Variants in CUX1 observed in about 807,000 individuals in gnomAD.
The protein encoded by CUX1 is cut like homeobox 1.
Under a neutral mutation model 158.8 loss-of-function variants are expected in CUX1, and 31 were observed. That is an observed-to-expected ratio of 0.20 (90% confidence interval 0.15 to 0.26). The LOEUF is 0.26. Ranked by LOEUF, CUX1 falls within the 10% of genes least tolerant of loss-of-function variation. The probability of loss-of-function intolerance (pLI) is 1.00; values close to 1 mark genes in which losing one functional copy is unlikely to be tolerated. For missense variants in CUX1, 1,589 were observed against 2,014.6 expected (o/e 0.79, Z 4.04); for synonymous variants, 879 against 862.1 (o/e 1.02, Z -0.34).
intron 9 of CUX1, among the ~76,000 whole-genome samples, chr7:102,166,688 G>A (rs1363401269): frequency 2.0e-5 from 3 of 152,188 alleles, no homozygotes; most frequent in African/African-American, 7.2e-5. Flanking sequence ...CTGTTTCCCT[G>A]TTCCTTCCTT....
chr7:101,947,146 T>C (rs936534341), intron 2 of CUX1, among the ~76,000 whole-genome samples: 2 of 152,192 alleles, frequency 1.3e-5, no homozygotes, highest in Admixed American at 6.5e-5. Context: ...CCCAGCACTT[T>C]AGGAGGCTGA....
At chr7:102,228,571 G>T (rs1798590142) in intron 21 of CUX1, among the ~76,000 whole-genome samples, 1 of 152,148 alleles carries the variant, frequency 6.6e-6, no homozygotes, top group Admixed American at 6.6e-5. Flanking sequence ...ACAGCAGGAG[G>T]ATCGCTTGAG....
chr7:101,858,341 T>TG (rs1393232543), intron 1 of CUX1, among the ~76,000 whole-genome samples: 2 of 152,172 alleles, frequency 1.3e-5, no homozygotes, highest in Non-Finnish European at 2.9e-5. Flanking sequence ...GACTTTGGTT[T>TG]GTGATGGTTA....
At chr7:102,205,306 T>C in intron 20 of CUX1, 136 bp downstream of exon 20, 1 of 671,580 alleles carries the variant, frequency 1.5e-6, no homozygotes, top group Non-Finnish European at 2.7e-6. Flanking sequence ...TGGCATCCTA[T>C]CTGCAAACGG....
At chr7:101,973,586 C>G (rs1319252003) in intron 2 of CUX1, among the ~76,000 whole-genome samples, 1 of 151,962 alleles carries the variant, frequency 6.6e-6, no homozygotes, top group Admixed American at 6.6e-5. Flanking sequence ...ATGAATGCAC[C>G]CGTGTCCCCT....
intron 4 of CUX1, among the ~76,000 whole-genome samples, chr7:102,072,632 G>A (rs547663779): frequency 6.6e-6 from 1 of 152,306 alleles, no homozygotes; most frequent in African/African-American, 2.4e-5. Flanking sequence ...GTAGACGCTG[G>A]TCCTTTTGTT....
At chr7:102,192,963 T>A (rs1794438465) in intron 12 of CUX1, among the ~76,000 whole-genome samples, 2 of 152,198 alleles carry the variant, frequency 1.3e-5, no homozygotes, top group South Asian at 4.1e-4. Flanking sequence ...GAGACCGTAG[T>A]GATCAGGGTG....
At chr7:101,891,990 G>A (rs1442672673) in intron 1 of CUX1, among the ~76,000 whole-genome samples, 2 of 152,150 alleles carry the variant, frequency 1.3e-5, no homozygotes, top group African/African-American at 4.8e-5. Context: ...CTTGTAAACT[G>A]GAAACCCTGT....
At chr7:102,243,666 AATAATAATAAT>A (rs1554535786) in intron 23 of CUX1, among the ~76,000 whole-genome samples, 5 of 147,124 alleles carry the variant, frequency 3.4e-5, no homozygotes, top group Admixed American at 6.8e-5. Flanking sequence ...TAATAATAAT[AATAATAATAAT>A]AAAATAAATG....
upstream of CUX1, among the ~76,000 whole-genome samples, chr7:101,816,485 TGCGCGCGCGAGCGGGGA>T (rs1213279776): frequency 1.5e-3 from 187 of 127,934 alleles, 1 homozygote; most frequent in Non-Finnish European, 2.2e-3. Flanking sequence ...GCCCGCGGGG[TGCGCGCGCGAGCGGGGA>T]GCGGGGAGCG....
chr7:102,252,100 A>AT lies in CUX1; in HGVS notation c.*3066dup, dbSNP rs1324860103. 2.0e-5 allele frequency: 20 copies of AT among 984,142 alleles called. No homozygotes were observed. Among genetic ancestry groups the AT allele is most frequent in the Non-Finnish European group, 2.4e-5 (20 of 829,324 alleles). 61.0% of individuals were successfully genotyped at this position (984,142 alleles called of 1,614,324 possible). On this transcript the variant is annotated 3_prime_UTR_variant, in exon 24 of 24. Transcript: ENST00000292535. Reference sequence around the variant, plus strand: ...TTAAATTTTGCTTGCAGTTCTGTGTATTTTTTTTCCTCTATTATTTATTTT... The same window carrying AT: ...TTAAATTTTGCTTGCAGTTCTGTGTATTTTTTTTTCCTCTATTATTTATTTT...
intron 13 of CUX1, 82 bp downstream of exon 13, chr7:102,193,972 C>G (rs1554517652): frequency 2.9e-6 from 4 of 1,374,894 alleles, no homozygotes; most frequent in Non-Finnish European, 4.1e-6. Flanking sequence ...ATCCCATGAT[C>G]CACTGTTTCT....
At chr7:102,205,860 G>A (rs868919339) in intron 20 of CUX1, among the ~76,000 whole-genome samples, 5 of 152,070 alleles carry the variant, frequency 3.3e-5, no homozygotes, top group Non-Finnish European at 5.9e-5. Context: ...CCATGGCCAC[G>A]GCTCCCAGGC....
At chr7:102,155,058 A>T (rs1333551890) in intron 8 of CUX1, among the ~76,000 whole-genome samples, 2 of 152,204 alleles carry the variant, frequency 1.3e-5, no homozygotes, top group Non-Finnish European at 2.9e-5. Context: ...TCTATGACAT[A>T]GATGAGATAC....
chr7:101,891,728 G>C (rs1800898270), intron 1 of CUX1, among the ~76,000 whole-genome samples: 1 of 152,216 alleles, frequency 6.6e-6, no homozygotes. Context: ...CATGGAGATG[G>C]TGGCATTTGA....
rs779860213 is a variant in CUX1, at chr7:101,916,242, TCG to T, written c.141+18_141+19del. ...ACTCCAGAGGTGAGGCGCGTGACCA[TCG>T]TGTTCGCTTTGAAGGGATCTTAGAA... On this transcript the variant is annotated intron_variant, in intron 2 of 23. Transcript: ENST00000292535. The surrounding 1 kb of genome is among the most constrained non-coding windows in gnomAD (Gnocchi z 4.4). 3 of 1,498,260 alleles carry T rather than the reference TCG, an allele frequency of 2.0e-6. No homozygotes were observed. Among genetic ancestry groups the T allele is most frequent in the Non-Finnish European group, 2.8e-6 (3 of 1,074,842 alleles). The allele number at this position is 1,498,260 out of a possible 1,614,324, so 92.8% of individuals were successfully genotyped here. A position where few individuals can be genotyped will look rare whatever the true frequency, so the allele number is the denominator to read the frequency against.
chr7:101,928,111 A>G (rs1805829681), intron 2 of CUX1, among the ~76,000 whole-genome samples: 1 of 152,196 alleles, frequency 6.6e-6, no homozygotes, highest in Non-Finnish European at 1.5e-5. Flanking sequence ...TCAAAAGGGA[A>G]GCACTGTCAT....
intron 8 of CUX1, chr7:102,153,745 G>A (rs1300489424): frequency 6.6e-6 from 1 of 152,208 alleles, no homozygotes; most frequent in Non-Finnish European, 1.5e-5. Flanking sequence ...AGAGCGGCTG[G>A]TATCCCTGGA....
chr7:102,030,689 G>GGGTTTTTTTTTTTTTTTTTTTGTTTTT (rs1820642475), intron 3 of CUX1, among the ~76,000 whole-genome samples: 1 of 82,540 alleles, frequency 1.2e-5, no homozygotes, highest in Non-Finnish European at 2.1e-5. Context: ...ATTTTAAAAA[G>GGGTTTTTTTTTTTTTTTTTTTGTTTTT]TGTTTTTTTT....
Sources: allele counts gnomAD v4.1 joint callset (sites outside exome capture counted in the v4.1 genomes callset), GRCh38; gene constraint gnomAD v4.1.1; non-coding constraint Gnocchi (gnomAD v3.1); transcripts MANE v1.5; gene names NCBI Gene and HGNC (gene_info 2026-07-23, HGNC 2026-07-21).